The following NKAIN1 variants were observed in gnomAD, a reference collection of about 807,000 sequenced individuals.
NKAIN1 encodes the protein sodium/potassium-transporting ATPase subunit beta-1-interacting protein 1.
NKAIN1 carries 13 observed loss-of-function variants against 31.6 expected under a neutral mutation model. That is an observed-to-expected ratio of 0.41 (90% CI 0.27 to 0.65). NKAIN1 has a LOEUF of 0.65. NKAIN1 is among the 30% of genes least tolerant of loss of function. The probability of loss-of-function intolerance (pLI) is 0.30; values close to 1 mark genes in which losing one functional copy is unlikely to be tolerated. For synonymous variants in NKAIN1, 104 were observed against 109.0 expected (o/e 0.95, Z 0.28); for missense variants, 193 against 262.2 (o/e 0.74, Z 1.82).
chr1:31,216,807 C>A (rs2148361719), intron 1 of NKAIN1, among the ~76,000 whole-genome samples: 1 of 152,184 alleles, frequency 6.6e-6, no homozygotes, highest in East Asian at 1.9e-4. Flanking sequence ...GATTCTCCTG[C>A]CTCAGCCTCC....
chr1:31,232,724 G>C (rs146461633), intron 1 of NKAIN1, among the ~76,000 whole-genome samples: 10 of 151,902 alleles, frequency 6.6e-5, no homozygotes, highest in African/African-American at 2.4e-4. Context: ...AAAATAAAAG[G>C]ACTGACTAGA....
rs373487000 is a variant in NKAIN1, at chr1:31,184,050, G to GGA, written c.274-38_274-37dup. On this transcript the variant is annotated intron_variant, in intron 3 of 6. Coordinates refer to ENST00000373736, the MANE Select transcript of NKAIN1 (RefSeq NM_024522.3). ...AGGGGCCTGGGATACTGAGTGTGAG[G>GGA]GAGAGGGAGGGGGGAGCTACTCCCC... 1.3e-4 allele frequency: 202 copies of GGA among 1,581,918 alleles called. 1 individual carries two copies. The African/African-American group carries it at 1.8e-3, about 14-fold the overall frequency.
At chr1:31,218,055 TC>T (rs1645529840) in intron 1 of NKAIN1, among the ~76,000 whole-genome samples, 11 of 143,036 alleles carry the variant, frequency 7.7e-5, no homozygotes, top group African/African-American at 2.6e-4. Context: ...TTTCTTTCTT[TC>T]TTTCTTTCTT....
At chr1:31,197,054 A>G (rs946886160) in intron 1 of NKAIN1, among the ~76,000 whole-genome samples, 6 of 130,126 alleles carry the variant, frequency 4.6e-5, no homozygotes, top group Non-Finnish European at 9.9e-5. Context: ...AAAACTCCCT[A>G]CCTCCCTCCT....
At chr1:31,198,150 C>G (rs6665296) in intron 1 of NKAIN1, among the ~76,000 whole-genome samples, 104,893 of 152,004 alleles carry the variant, frequency 0.69, 37,350 homozygotes, top group Middle Eastern at 0.84. Context: ...AGTGGTGAGA[C>G]CAGTGCTTGG....
intron 1 of NKAIN1, among the ~76,000 whole-genome samples, chr1:31,224,130 G>T (rs7546080): frequency 6.6e-6 from 1 of 151,938 alleles, no homozygotes; most frequent in East Asian, 1.9e-4. Flanking sequence ...GCTCCATGGG[G>T]TGAGTAGGAG....
At chr1:31,220,672 T>C (rs1367840535) in intron 1 of NKAIN1, among the ~76,000 whole-genome samples, 1 of 148,398 alleles carries the variant, frequency 6.7e-6, no homozygotes, top group African/African-American at 2.5e-5. Flanking sequence ...GGAGAATCAC[T>C]TGAACCTGGG....
chr1:31,233,862 G>A lies in NKAIN1; in HGVS notation c.54+5632C>T, dbSNP rs1258896483. ...TAGAAGCTGTTTTTCTGACTACTTTGTAAGTAAGAAGGCAGAGGCTCAGAG... is the reference window on the plus strand; with the variant it reads ...TAGAAGCTGTTTTTCTGACTACTTTATAAGTAAGAAGGCAGAGGCTCAGAG... On this transcript the variant is annotated intron_variant, in intron 1 of 6. Transcript: ENST00000373736. The surrounding 1 kb of genome is among the most constrained non-coding windows in gnomAD (Gnocchi z 4.0). Among the ~76,000 whole-genome samples, 1 of 152,184 alleles carries A rather than the reference G, an allele frequency of 6.6e-6. No individual in the cohort carries two copies. Among genetic ancestry groups the A allele is most frequent in the Non-Finnish European group, 1.5e-5 (1 of 68,034 alleles).
In NKAIN1 at chr1:31,188,058, G is replaced by T. The variant is rs1645258325; in HGVS notation, c.184C>A (p.Leu62Ile). 2 of 1,553,238 alleles carry T rather than the reference G, an allele frequency of 1.3e-6. No individual in the cohort carries two copies. Among genetic ancestry groups the T allele is most frequent in the Non-Finnish European group, 1.7e-6 (2 of 1,148,014 alleles). Residue 62 changes from leucine (L) to isoleucine (I), a missense_variant, in exon 2 of 7, where the codon CTC (leucine) becomes ATC (isoleucine). By Grantham distance (5) the Leu-to-Ile change is conservative (BLOSUM62 2). Coordinates refer to ENST00000373736, the MANE Select transcript of NKAIN1 (RefSeq NM_024522.3). ...FGTVQYRSRY[L>I]ILYAAWLVLW... ...GGCTAGGTGAGCCGTACCAGGATGA[G>T]GTACCGGGAGCGGTACTGCACGGTG...
At chr1:31,232,456 GAGAGA>G (rs1645660815) in intron 1 of NKAIN1, among the ~76,000 whole-genome samples, 1 of 127,284 alleles carries the variant, frequency 7.9e-6, no homozygotes, top group African/African-American at 2.8e-5. Flanking sequence ...GAGAGAGAGA[GAGAGA>G]GAGAGAGAGA....
At chr1:31,188,213 C>G in intron 1 of NKAIN1, 26 bp from the exon 2 acceptor site, 1 of 1,549,094 alleles carries the variant, frequency 6.5e-7, no homozygotes, top group Non-Finnish European at 8.7e-7. Context: ...GCTGAGGCCA[C>G]TGTCACCCCC....
chr1:31,193,332 T>C (rs1645300668), intron 1 of NKAIN1, among the ~76,000 whole-genome samples: 1 of 151,740 alleles, frequency 6.6e-6, no homozygotes, highest in Non-Finnish European at 1.5e-5. Context: ...CCTCCCAAAG[T>C]GCTGGGATTA....
chr1:31,212,407 T>TTC, intron 1 of NKAIN1, among the ~76,000 whole-genome samples: 1 of 84,946 alleles, frequency 1.2e-5, no homozygotes, highest in Non-Finnish European at 3.5e-5. Flanking sequence ...AGTTTCTTTT[T>TTC]TTTTTTTTTT....
chr1:31,231,130 C>T (rs922538837), intron 1 of NKAIN1, among the ~76,000 whole-genome samples: 2 of 151,880 alleles, frequency 1.3e-5, no homozygotes, highest in African/African-American at 2.4e-5. Flanking sequence ...GTGATCCACC[C>T]GCCTCGGCCT....
chr1:31,182,493 G>A (rs1364339925), intron 5 of NKAIN1, 37 bp downstream of exon 5: 6 of 1,611,320 alleles, frequency 3.7e-6, no homozygotes, highest in African/African-American at 1.3e-5. Flanking sequence ...AAGGCGCAGG[G>A]CCAGATTCCC....
chr1:31,214,001 G>T (rs36149147), intron 1 of NKAIN1, among the ~76,000 whole-genome samples: 6 of 148,210 alleles, frequency 4.0e-5, no homozygotes, highest in Admixed American at 6.7e-5. Context: ...CTCAAAAAAA[G>T]AATAAAATAA....
At chr1:31,238,228 G>A (rs1445246060) in intron 1 of NKAIN1, among the ~76,000 whole-genome samples, 2 of 152,196 alleles carry the variant, frequency 1.3e-5, no homozygotes, top group African/African-American at 2.4e-5. Flanking sequence ...TCCCCAGGAG[G>A]AGAGAAGCAA....
intron 1 of NKAIN1, among the ~76,000 whole-genome samples, chr1:31,197,836 T>C (rs934094947): frequency 6.6e-5 from 10 of 152,136 alleles, no homozygotes; most frequent in Non-Finnish European, 1.2e-4. Context: ...CATGAGCCAC[T>C]GCACCTGGTG....
chr1:31,206,397 GTTTTTA>G (rs1645424867), intron 1 of NKAIN1, among the ~76,000 whole-genome samples: 1 of 151,430 alleles, frequency 6.6e-6, no homozygotes. Context: ...GTAGTATGTG[GTTTTTA>G]TTTTTATTTT....
Sources: allele counts gnomAD v4.1 joint callset (sites outside exome capture counted in the v4.1 genomes callset), GRCh38; gene constraint gnomAD v4.1.1; non-coding constraint Gnocchi (gnomAD v3.1); transcripts MANE v1.5; gene names NCBI Gene and HGNC (gene_info 2026-07-23, HGNC 2026-07-21).